NXPE4: variants seen among roughly 807,000 people sequenced by gnomAD.
NXPE4 encodes the protein NXPE family member 4.
A neutral mutation model predicts 33.3 loss-of-function variants in NXPE4; 42 were observed. The ratio of observed to expected loss-of-function variants is 1.26; its 90% CI spans 0.98 to 1.63. NXPE4 has a LOEUF of 1.63. Among genes scored for constraint, NXPE4 ranks in the 40% most tolerant of loss-of-function variants. The pLI, the probability that NXPE4 is intolerant of heterozygous loss-of-function variation, is 0.00. For missense variants in NXPE4, 709 were observed against 647.6 expected, an observed-to-expected ratio of 1.09 and a Z score of -1.03; for synonymous variants, 253 against 234.9, an observed-to-expected ratio of 1.08 and a Z score of -0.71.
chr11:114,591,713 A>G (rs1324000346), intron 2 of NXPE4, among the ~76,000 whole-genome samples: 3 of 152,100 alleles, frequency 2.0e-5, no homozygotes, highest in Non-Finnish European at 2.9e-5. Context: ...TTCACCAAAT[A>G]TACCTCAAAA....
At chr11:114,650,102 T>G in the NXPE4 span, among the ~76,000 whole-genome samples, 2 of 152,098 alleles carry the variant, frequency 1.3e-5, no homozygotes, top group Non-Finnish European at 2.9e-5. Flanking sequence ...TATACAAAAG[T>G]GTAACTTTCT....
the NXPE4 span, among the ~76,000 whole-genome samples, chr11:114,609,080 G>T: frequency 1.3e-5 from 2 of 150,872 alleles, no homozygotes; most frequent in African/African-American, 4.9e-5. Context: ...ACTGTTATCC[G>T]GTGGATAATA....
rs1565333628 is a variant in NXPE4, at chr11:114,582,831, CTGG to C, written c.284_286del (p.Thr95del). 1.2e-6 allele frequency: 2 copies of C among 1,614,116 alleles called. No individual in the cohort carries two copies. Among genetic ancestry groups the C allele is most frequent in the South Asian group, 2.2e-5 (2 of 91,074 alleles). On this transcript the variant is annotated inframe_deletion, in exon 3 of 6. Coordinates refer to ENST00000375478, the MANE Select transcript of NXPE4 (RefSeq NM_001077639.2). ...GATGGTGGCTGTGCTATGTGTGGCG[CTGG>C]TGGTGGTGTTCACGTGGGTGAAAGG...
rs919223155 is a variant in NXPE4 at position 114,583,722 on chromosome 11, T to G, written c.97-701A>C. 5 of 548,170 alleles carry G rather than the reference T, an allele frequency of 9.1e-6. No homozygotes were observed. The African/African-American group carries it at 9.5e-5, about 10-fold the overall frequency. The allele number at this position is 548,170 out of a possible 1,614,324, so 34.0% of individuals were successfully genotyped here. A position where few individuals can be genotyped will look rare whatever the true frequency, so the allele number is the denominator to read the frequency against. ...GGCTTCTGTTATGTTAATGATACAA[T>G]CTGGGCCACCTTGGAACTGCTAAAG... On this transcript the variant is annotated intron_variant, in intron 2 of 5. Transcript: ENST00000375478.
chr11:114,629,578 A>G, the NXPE4 span, among the ~76,000 whole-genome samples: 1 of 151,984 alleles, frequency 6.6e-6, no homozygotes, highest in South Asian at 2.1e-4. Flanking sequence ...TGAATGGGCA[A>G]AAACTGGAAG....
At chr11:114,636,124 A>T in the NXPE4 span, among the ~76,000 whole-genome samples, 1 of 151,810 alleles carries the variant, frequency 6.6e-6, no homozygotes, top group Non-Finnish European at 1.5e-5. Flanking sequence ...GCTATTGATT[A>T]TTGCCACAAT....
At chr11:114,636,667 T>C in the NXPE4 span, among the ~76,000 whole-genome samples, 12 of 152,062 alleles carry the variant, frequency 7.9e-5, no homozygotes, top group Admixed American at 5.9e-4. Context: ...GTTGTGTCTT[T>C]GTTCTCATTG....
chr11:114,636,883 G>T, the NXPE4 span, among the ~76,000 whole-genome samples: 3 of 152,142 alleles, frequency 2.0e-5, no homozygotes, highest in East Asian at 3.9e-4. Context: ...TTATTTCCAA[G>T]TATATGGTCA....
At chr11:114,640,462 G>A in the NXPE4 span, among the ~76,000 whole-genome samples, 4 of 151,192 alleles carry the variant, frequency 2.6e-5, no homozygotes, top group African/African-American at 9.7e-5. Flanking sequence ...TTTTCCTCTG[G>A]GTAGACACCA....
the NXPE4 span, among the ~76,000 whole-genome samples, chr11:114,640,933 G>A: frequency 6.6e-6 from 1 of 151,854 alleles, no homozygotes; most frequent in African/African-American, 2.4e-5. Flanking sequence ...TTGTTTTGCT[G>A]TGCAAAAGGA....
intron 2 of NXPE4, among the ~76,000 whole-genome samples, chr11:114,593,112 G>A (rs1949499386): frequency 6.6e-6 from 1 of 152,048 alleles, no homozygotes; most frequent in Non-Finnish European, 1.5e-5. Context: ...GGACACTGAT[G>A]TAGCCAGAGG....
intron 5 of NXPE4, among the ~76,000 whole-genome samples, chr11:114,572,322 G>T (rs191714589): frequency 3.3e-5 from 5 of 151,998 alleles, no homozygotes; most frequent in African/African-American, 1.2e-4. Flanking sequence ...TTTAACTCCT[G>T]CAAAAGACCA....
At chr11:114,651,375 C>G in the NXPE4 span, among the ~76,000 whole-genome samples, 7 of 151,900 alleles carry the variant, frequency 4.6e-5, no homozygotes, top group African/African-American at 1.5e-4. Context: ...CTGGTGGGTT[C>G]GTGGTCTCGT....
chr11:114,671,936 C>T, the NXPE4 span, among the ~76,000 whole-genome samples: 28 of 152,048 alleles, frequency 1.8e-4, no homozygotes, highest in South Asian at 8.3e-4. Flanking sequence ...GAGGTTTAAT[C>T]GGCTTATGTT....
chr11:114,583,423 C>T (rs756391571), intron 2 of NXPE4: 15 of 660,406 alleles, frequency 2.3e-5, no homozygotes, highest in African/African-American at 2.2e-4. Context: ...ATCACCCTCA[C>T]AAAGCCAATG....
chr11:114,670,782 T>G, the NXPE4 span, among the ~76,000 whole-genome samples: 1 of 151,930 alleles, frequency 6.6e-6, no homozygotes, highest in East Asian at 1.9e-4. Context: ...GCTATAATAT[T>G]TTATCTGAAA....
the NXPE4 span, among the ~76,000 whole-genome samples, chr11:114,632,032 A>T: frequency 2.1e-5 from 3 of 146,226 alleles, no homozygotes; most frequent in Non-Finnish European, 1.5e-5. Context: ...ATTATACTTT[A>T]TATATAATAT....
the NXPE4 span, among the ~76,000 whole-genome samples, chr11:114,607,373 GATA>G: frequency 6.6e-6 from 1 of 151,674 alleles, no homozygotes; most frequent in African/African-American, 2.4e-5. Context: ...TTATCCGGTG[GATA>G]ATAAGTGTTG....
At chr11:114,577,090 T>G (rs28803778) in intron 5 of NXPE4, among the ~76,000 whole-genome samples, 2 of 140,398 alleles carry the variant, frequency 1.4e-5, no homozygotes, top group African/African-American at 5.3e-5. Flanking sequence ...TATATACATA[T>G]ATATATAAAG....
Sources: gnomAD v4.1 joint callset for allele counts (sites outside exome capture counted in the v4.1 genomes callset) on GRCh38, gnomAD v4.1.1 for gene constraint, MANE v1.5 for transcripts, NCBI Gene and HGNC (gene_info 2026-07-23, HGNC 2026-07-21) for gene names.